RCN2: variants seen among roughly 807,000 people sequenced by gnomAD.
RCN2 encodes the protein reticulocalbin 2.
RCN2 carries 23 observed loss-of-function variants against 37.5 expected under a neutral mutation model. That is an observed-to-expected ratio of 0.61 (90% CI 0.44 to 0.87). RCN2 has a LOEUF of 0.87. Among genes scored for constraint, RCN2 ranks in the 40% least tolerant of loss-of-function variants. The pLI is 0.00. For missense variants in RCN2, 381 were observed against 390.4 expected (o/e 0.98, Z 0.20); for synonymous variants, 140 against 144.6 (o/e 0.97, Z 0.23).
In RCN2 at chr15:76,935,515, A is replaced by G; in HGVS notation, c.251-11A>G. 6.2e-7 allele frequency: 1 copy of G among 1,604,574 alleles called. No homozygotes were observed. The highest frequency in any genetic ancestry group is 8.5e-7 in the Non-Finnish European group (1 of 1,175,110). On this transcript the variant is annotated splice_polypyrimidine_tract_variant and intron_variant, in intron 2 of 6. Coordinates refer to ENST00000394885, the MANE Select transcript of RCN2 (RefSeq NM_002902.3). ...ACGTCACATGCGTTGTGTTCTGGGAAATTCTCATAGGTGAACTCAGTTCAT... is the reference window on the plus strand; with the variant it reads ...ACGTCACATGCGTTGTGTTCTGGGAGATTCTCATAGGTGAACTCAGTTCAT...
intron 2 of RCN2, among the ~76,000 whole-genome samples, chr15:76,933,167 T>C (rs917058745): frequency 2.6e-5 from 4 of 152,242 alleles, no homozygotes; most frequent in African/African-American, 9.6e-5. Context: ...TAAATTGCTG[T>C]GCAGTTGTCT....
intron 3 of RCN2, chr15:76,942,278 T>G (rs1023525172): frequency 9.2e-5 from 14 of 152,188 alleles, no homozygotes; most frequent in African/African-American, 3.4e-4. Context: ...TATTCAGTAG[T>G]GAAACACTTA....
chr15:76,939,045 G>A (rs957694454), intron 3 of RCN2, among the ~76,000 whole-genome samples: 6 of 152,136 alleles, frequency 3.9e-5, no homozygotes, highest in Admixed American at 1.3e-4. Context: ...CTAATCTAAA[G>A]CTGTCTAGTT....
rs555912595 is a variant in RCN2, at chr15:76,951,673, A to G, written c.*2451A>G. The G allele has an allele frequency of 1.1e-4, 16 of 152,360 alleles. No individual in the cohort carries two copies. Among genetic ancestry groups the G allele is most frequent in the Admixed American group, 2.0e-4 (3 of 15,304 alleles). 9.4% of individuals were successfully genotyped at this position (152,360 alleles called of 1,614,324 possible). ...GGCTTTTTTTAGATTTGAATTTTAA[A>G]TAAGACTTTTAAAATAAAGCTTTTA... On this transcript the variant is annotated 3_prime_UTR_variant, in exon 7 of 7. Coordinates refer to ENST00000394885, the MANE Select transcript of RCN2 (RefSeq NM_002902.3).
At position 76,931,760 on chromosome 15, in the gene RCN2, C is replaced by G. The variant is rs997238701; in HGVS notation, c.-82C>G. ...GTACGTCGCACCGCCTCTCTGTAGC[C>G]GCCCGCGGAGCATCGCAGCCGGCCC... On this transcript the variant is annotated 5_prime_UTR_variant, in exon 1 of 7. Transcript: ENST00000394885. The G allele has an allele frequency of 9.2e-7, 1 of 1,088,710 alleles. No homozygotes were observed. The highest frequency in any genetic ancestry group is 1.1e-6 in the Non-Finnish European group (1 of 871,210). The allele number at this position is 1,088,710 out of a possible 1,614,324, so 67.4% of individuals were successfully genotyped here.
At chr15:76,941,922 G>C (rs1171936749) in intron 3 of RCN2, 1 of 341,658 alleles carries the variant, frequency 2.9e-6, no homozygotes, top group Admixed American at 4.6e-5. Context: ...TTTGAATAAT[G>C]GTTTATTCAA....
chr15:76,936,619 A>G (rs1467113717), intron 3 of RCN2, among the ~76,000 whole-genome samples: 38 of 152,232 alleles, frequency 2.5e-4, no homozygotes, highest in Admixed American at 2.5e-3. Flanking sequence ...CTAACAGGCC[A>G]TGAACCAATA....
chr15:76,941,891 G>A (rs1018945388), intron 3 of RCN2: 5 of 389,448 alleles, frequency 1.3e-5, no homozygotes, highest in Non-Finnish European at 1.8e-5. Context: ...TCTTTCATAA[G>A]GAAATCAAAG....
At position 76,952,026 on chromosome 15, in the gene RCN2, C is replaced by A. The variant is rs373119193; in HGVS notation, c.*2804C>A. Reference sequence around the variant, plus strand: ...TTTCCTTTGCAGTTTTAAAAATAGGCTTTTTTTTTTTTTAGTGTAGTTTTA... The same window carrying A: ...TTTCCTTTGCAGTTTTAAAAATAGGATTTTTTTTTTTTTAGTGTAGTTTTA... On this transcript the variant is annotated 3_prime_UTR_variant, in exon 7 of 7. Coordinates refer to ENST00000394885, the MANE Select transcript of RCN2 (RefSeq NM_002902.3). 1 of 145,666 alleles carries A rather than the reference C, an allele frequency of 6.9e-6. No homozygotes were observed. The highest frequency in any genetic ancestry group is 2.5e-5 in the African/African-American group (1 of 39,438). 9.0% of individuals were successfully genotyped at this position (145,666 alleles called of 1,614,324 possible). A position where few individuals can be genotyped will look rare whatever the true frequency, so the allele number is the denominator to read the frequency against.
chr15:76,947,851 A>G (rs2075302878), intron 5 of RCN2: 3 of 236,020 alleles, frequency 1.3e-5, no homozygotes, highest in African/African-American at 7.0e-5. Flanking sequence ...CTTAAAAGAG[A>G]TAGAAACATA....
chr15:76,936,927 C>T (rs2075252532), intron 3 of RCN2, among the ~76,000 whole-genome samples: 1 of 152,180 alleles, frequency 6.6e-6, no homozygotes, highest in Non-Finnish European at 1.5e-5. Context: ...ACCCATTAAA[C>T]AATAACTCCC....
chr15:76,940,023 T>G (rs916593371), intron 3 of RCN2, among the ~76,000 whole-genome samples: 3 of 152,202 alleles, frequency 2.0e-5, no homozygotes, highest in Non-Finnish European at 4.4e-5. Context: ...CACTCTGCTT[T>G]TAAAGGATGA....
intron 3 of RCN2, chr15:76,941,643 G>T (rs2075276893): frequency 6.7e-7 from 1 of 1,481,986 alleles, no homozygotes; most frequent in Non-Finnish European, 9.1e-7. Flanking sequence ...TTAGGAATTT[G>T]CCATTTGTAA....
In RCN2 at chr15:76,946,324, T is replaced by G. The variant is rs376559095; in HGVS notation, c.562-1097T>G. Among the ~76,000 whole-genome samples, 8 of 152,286 alleles carry G rather than the reference T, an allele frequency of 5.3e-5. No individual in the cohort carries two copies. In the East Asian group the frequency reaches 1.4e-3, roughly 26 times the overall value. On this transcript the variant is annotated intron_variant, in intron 4 of 6. Coordinates refer to ENST00000394885, the MANE Select transcript of RCN2 (RefSeq NM_002902.3). ...TTAGCCAGGTGTGGTGGCATGCACC[T>G]GTGGTCCTAGCTACTTGGGAGACTG...
intron 3 of RCN2, among the ~76,000 whole-genome samples, chr15:76,937,409 C>CTT (rs202009897): frequency 6.9e-6 from 1 of 145,948 alleles, no homozygotes; most frequent in African/African-American, 2.5e-5. Flanking sequence ...AAAATTACTC[C>CTT]TTTTTTTTTT....
chr15:76,931,994 G>A lies in RCN2; in HGVS notation c.144+9G>A. 7.9e-7 allele frequency: 1 copy of A among 1,259,058 alleles called. No homozygotes were observed. Among genetic ancestry groups the A allele is most frequent in the Non-Finnish European group, 9.9e-7 (1 of 1,006,586 alleles). The allele number at this position is 1,259,058 out of a possible 1,614,324, so 78.0% of individuals were successfully genotyped here. On this transcript the variant is annotated intron_variant, in intron 1 of 6. Transcript: ENST00000394885. ...CGCTGCTGGGCGTCCAGGTGAGGCG[G>A]CCAGGCCGGTGCTGGGAGGGCCGGG...
Position 76,949,344 on chromosome 15 carries a change from C to A in RCN2, c.*122C>A. ...AAGTCTTAACCACAGTCAGAATTATCTTAATGTAGATTATAATTTTGGTCT... is the reference window on the plus strand; with the variant it reads ...AAGTCTTAACCACAGTCAGAATTATATTAATGTAGATTATAATTTTGGTCT... On this transcript the variant is annotated 3_prime_UTR_variant, in exon 7 of 7. Coordinates refer to ENST00000394885, the MANE Select transcript of RCN2 (RefSeq NM_002902.3). 5 of 669,188 alleles carry A rather than the reference C, an allele frequency of 7.5e-6. No individual in the cohort carries two copies. In the South Asian group the frequency reaches 1.4e-4, roughly 19 times the overall value. 41.5% of individuals were successfully genotyped at this position (669,188 alleles called of 1,614,324 possible). A position where few individuals can be genotyped will look rare whatever the true frequency, so the allele number is the denominator to read the frequency against.
chr15:76,932,074 C>T, intron 1 of RCN2, 89 bp downstream of exon 1: 1 of 1,196,672 alleles, frequency 8.4e-7, no homozygotes, highest in South Asian at 3.0e-5. Flanking sequence ...GGCGGCCGGG[C>T]GAGGCCTGGC....
chr15:76,953,570 TATA>T lies in RCN2; in HGVS notation c.*4349_*4351del. ...TATAGTAATTCTATATATATATATA[TATA>T]TATATATATATATATATATATTTTT... On this transcript the variant is annotated 3_prime_UTR_variant, in exon 7 of 7. Transcript: ENST00000394885. 1 of 17,156 alleles carries T rather than the reference TATA, an allele frequency of 5.8e-5. No homozygotes were observed. The highest frequency in any genetic ancestry group is 1.2e-4 in the Non-Finnish European group (1 of 8,204). 1.1% of individuals were successfully genotyped at this position (17,156 alleles called of 1,614,324 possible).
Sources: gnomAD v4.1 joint callset for allele counts (sites outside exome capture counted in the v4.1 genomes callset) on GRCh38, gnomAD v4.1.1 for gene constraint, MANE v1.5 for transcripts, NCBI Gene and HGNC (gene_info 2026-07-23, HGNC 2026-07-21) for gene names.